UBE4B: variants seen among roughly 807,000 people sequenced by gnomAD.
The protein encoded by UBE4B is ubiquitin conjugation factor E4 B.
UBE4B carries 27 observed loss-of-function variants against 148.1 expected under a neutral mutation model. The observed-to-expected ratio is 0.18, with a 90% CI of 0.13 to 0.25. The LOEUF (loss-of-function observed/expected upper bound fraction) is 0.25, where lower values mean the gene tolerates loss of function less well. Ranked by LOEUF, UBE4B falls within the 10% of genes least tolerant of loss-of-function variation. The probability of loss-of-function intolerance (pLI) is 1.00; values close to 1 mark genes in which losing one functional copy is unlikely to be tolerated. For synonymous variants in UBE4B, 596 were observed against 619.3 expected, an observed-to-expected ratio of 0.96 and a Z score of 0.56; for missense variants, 1,170 against 1,662.4, an observed-to-expected ratio of 0.70 and a Z score of 5.15.
chr1:10,175,387 C>G (rs890130068), intron 25 of UBE4B, among the ~76,000 whole-genome samples: 1 of 152,086 alleles, frequency 6.6e-6, no homozygotes, highest in Non-Finnish European at 1.5e-5. Flanking sequence ...TGCAGTGGCT[C>G]ACGCCTGTAA....
chr1:10,154,333 G>A (rs1251333749), intron 21 of UBE4B, among the ~76,000 whole-genome samples: 1 of 151,408 alleles, frequency 6.6e-6, no homozygotes, highest in Non-Finnish European at 1.5e-5. Context: ...CAGGAGAATA[G>A]CTTGAACCCG....
intron 17 of UBE4B, among the ~76,000 whole-genome samples, 190 bp from the exon 18 acceptor site, chr1:10,144,743 AAAAAAAG>A (rs1478541563): frequency 2.6e-5 from 4 of 151,410 alleles, no homozygotes; most frequent in Admixed American, 6.6e-5. Flanking sequence ...TAAAAAAAAA[AAAAAAAG>A]AAAGAAAGAA....
intron 1 of UBE4B, among the ~76,000 whole-genome samples, chr1:10,055,833 T>A (rs1644156932): frequency 6.6e-6 from 1 of 152,126 alleles, no homozygotes; most frequent in Admixed American, 6.6e-5. Context: ...GGCAGGAGAA[T>A]CACTTGAAGC....
At chr1:10,088,869 G>C (rs1570862120) in intron 2 of UBE4B, among the ~76,000 whole-genome samples, 1 of 151,172 alleles carries the variant, frequency 6.6e-6, no homozygotes, top group African/African-American at 2.4e-5. Flanking sequence ...TGTAGAGATG[G>C]GGTCTCTCTA....
rs572495075 is a variant in UBE4B, at chr1:10,121,674, G to C, written c.1440-288G>C. 2.0e-5 allele frequency among the ~76,000 whole-genome samples: 3 copies of C among 152,224 alleles called. No individual in the cohort carries two copies. The South Asian group carries it at 6.2e-4, about 32-fold the overall frequency. ...CTGCCAAAGTGCTGGTATTGCAGGC[G>C]TGAGCCACCGTGCCTGGCCATGCTT... On this transcript the variant is annotated intron_variant, in intron 9 of 27. Transcript: ENST00000343090.
chr1:10,079,459 C>G (rs1326074693), intron 2 of UBE4B, among the ~76,000 whole-genome samples: 1 of 152,148 alleles, frequency 6.6e-6, no homozygotes, highest in Non-Finnish European at 1.5e-5. Context: ...CGCACCCGAC[C>G]TCAAAATTTA....
chr1:10,110,729 A>T (rs563673770), intron 7 of UBE4B, among the ~76,000 whole-genome samples: 11 of 152,166 alleles, frequency 7.2e-5, no homozygotes, highest in Admixed American at 1.3e-4. Context: ...CACAAGCCTT[A>T]TATGAGTAGA....
intron 17 of UBE4B, among the ~76,000 whole-genome samples, chr1:10,140,541 C>G (rs1645766911): frequency 6.6e-6 from 1 of 152,142 alleles, no homozygotes; most frequent in Non-Finnish European, 1.5e-5. Context: ...ATAAAAAATT[C>G]AAACTATGAT....
In UBE4B at chr1:10,106,221, C is replaced by T. The variant is rs1645105146; in HGVS notation, c.834C>T (p.Pro278=). 1 of 1,605,114 alleles carries T rather than the reference C, an allele frequency of 6.2e-7. No homozygotes were observed. Among genetic ancestry groups the T allele is most frequent in the African/African-American group, 1.3e-5 (1 of 74,810 alleles). The change falls in exon 7 of 28, where the codon CCC becomes CCT. Residue 278 remains proline (P), a synonymous_variant. Coordinates refer to ENST00000343090, the MANE Select transcript of UBE4B (RefSeq NM_001105562.3). The surrounding 1 kb of genome is among the most constrained non-coding windows in gnomAD (Gnocchi z 4.2). ...LSSLYESSPA[P]TPSFWSSVPV... ...GCCTCTATGAAAGTAGTCCGGCTCC[C>T]ACTCCCAGTTTCTGGAGCTCTGTTC...
At chr1:10,124,935 G>A (rs1645467617) in intron 10 of UBE4B, among the ~76,000 whole-genome samples, 2 of 152,114 alleles carry the variant, frequency 1.3e-5, no homozygotes, top group African/African-American at 2.4e-5. Context: ...AGACCAGGCT[G>A]GGCAACATGG....
chr1:10,090,606 A>G (rs1448832197), intron 2 of UBE4B, among the ~76,000 whole-genome samples: 2 of 152,154 alleles, frequency 1.3e-5, no homozygotes, highest in Non-Finnish European at 2.9e-5. Flanking sequence ...TTTAAAAAAT[A>G]TGTTGTAGAG....
chr1:10,141,030 A>AT (rs753534877), intron 17 of UBE4B, among the ~76,000 whole-genome samples: 2 of 152,122 alleles, frequency 1.3e-5, no homozygotes, highest in Non-Finnish European at 2.9e-5. Context: ...CATGTCAGTG[A>AT]TTTTAGCCCT....
At position 10,147,033 on chromosome 1, in the gene UBE4B, A is replaced by G; in HGVS notation, c.2534A>G (p.Asn845Ser). 1 of 1,614,012 alleles carries G rather than the reference A, an allele frequency of 6.2e-7. No homozygotes were observed. Among genetic ancestry groups the G allele is most frequent in the Non-Finnish European group, 8.5e-7 (1 of 1,179,996 alleles). Residue 845 changes from asparagine to serine, a missense_variant, in exon 19 of 28, where the codon AAT becomes AGT. Transcript: ENST00000343090. Reference sequence around the variant, plus strand: ...GAGAGCTTCCTGAGAAGATGTCTGAATTTTTATGGCCTTCTCATTCAGCTG... The same window carrying G: ...GAGAGCTTCCTGAGAAGATGTCTGAGTTTTTATGGCCTTCTCATTCAGCTG... ...LDESFLRRCL[N>S]FYGLLIQLLL...
chr1:10,113,882 T>C (rs1274826322), intron 7 of UBE4B, among the ~76,000 whole-genome samples: 1 of 152,006 alleles, frequency 6.6e-6, no homozygotes, highest in African/African-American at 2.4e-5. Context: ...CTGGCCAACA[T>C]GGTGAAACCC....
At chr1:10,171,353 C>G in intron 25 of UBE4B, 24 bp downstream of exon 25, 1 of 1,604,540 alleles carries the variant, frequency 6.2e-7, no homozygotes, top group South Asian at 1.1e-5. Context: ...GTTGGTCTCT[C>G]TGTGAGTTTA....
At chr1:10,066,667 A>T (rs1159566895) in intron 1 of UBE4B, among the ~76,000 whole-genome samples, 4 of 152,078 alleles carry the variant, frequency 2.6e-5, no homozygotes, top group Non-Finnish European at 5.9e-5. Flanking sequence ...GCACTTTGGG[A>T]GGCTGAGGCA....
At chr1:10,158,236 A>C in intron 21 of UBE4B, 120 bp from the exon 22 acceptor site, 1 of 1,340,012 alleles carries the variant, frequency 7.5e-7, no homozygotes, top group Non-Finnish European at 1.0e-6. Flanking sequence ...GAAGTGCAAA[A>C]TTTCACCAGC....
rs1644916760 is a variant in UBE4B at position 10,095,513 on chromosome 1, G to T, written c.264G>T (p.Ser88=). 11 of 1,613,978 alleles carry T rather than the reference G, an allele frequency of 6.8e-6. No homozygotes were observed. The highest frequency in any genetic ancestry group is 8.5e-6 in the Non-Finnish European group (10 of 1,180,032). Residue 88 remains serine, a synonymous_variant, in exon 3 of 28, where the codon TCG becomes TCT. Coordinates refer to ENST00000343090, the MANE Select transcript of UBE4B (RefSeq NM_001105562.3). ...AAGGAGTCAGTTCTCTCAGCAGCTC[G>T]CCCTCTAATAGCCTTGAAACGCAAT... ...SSEGVSSLSS[S]PSNSLETQSQ... is the part of the protein sequence containing the mutation.
At chr1:10,083,792 G>A (rs1644720838) in intron 2 of UBE4B, among the ~76,000 whole-genome samples, 1 of 152,110 alleles carries the variant, frequency 6.6e-6, no homozygotes, top group African/African-American at 2.4e-5. Flanking sequence ...TCCTATGCTG[G>A]CATGGGTACT....
Sources: allele counts gnomAD v4.1 joint callset (sites outside exome capture counted in the v4.1 genomes callset), GRCh38; gene constraint gnomAD v4.1.1; non-coding constraint Gnocchi (gnomAD v3.1); transcripts MANE v1.5; gene names NCBI Gene and HGNC (gene_info 2026-07-23, HGNC 2026-07-21).